Variants in GREB1L observed in about 807,000 individuals in gnomAD.
The protein encoded by GREB1L is GREB1-like protein.
A neutral mutation model predicts 200.8 loss-of-function variants in GREB1L; 17 were observed. That is an observed-to-expected ratio of 0.08 (90% CI 0.06 to 0.13). GREB1L has a LOEUF of 0.13. Ranked by LOEUF, GREB1L falls within the 10% of genes least tolerant of loss-of-function variation. The probability of loss-of-function intolerance (pLI) is 1.00; values close to 1 mark genes in which losing one functional copy is unlikely to be tolerated. For missense variants in GREB1L, 1,657 were observed against 2,367.7 expected (o/e 0.70, Z 6.23); for synonymous variants, 789 against 893.0 (o/e 0.88, Z 2.08).
intron 15 of GREB1L, among the ~76,000 whole-genome samples, chr18:21,456,717 A>T (rs756302262): frequency 6.6e-6 from 1 of 152,162 alleles, no homozygotes; most frequent in Non-Finnish European, 1.5e-5. Context: ...CCTGTAGGTG[A>T]TGAGCTGGAA....
intron 2 of GREB1L, chr18:21,380,460 T>C (rs1378863281): frequency 6.6e-6 from 1 of 152,100 alleles, no homozygotes; most frequent in African/African-American, 2.4e-5. Flanking sequence ...AATTTTAAAT[T>C]CGATCCCTCT....
intron 25 of GREB1L, 80 bp downstream of exon 25, chr18:21,506,029 A>G: frequency 7.3e-7 from 1 of 1,374,254 alleles, no homozygotes; most frequent in Non-Finnish European, 9.7e-7. Flanking sequence ...AGGGATGAAA[A>G]ATAAGGCCCC....
At chr18:21,520,397 A>G (rs2037569645) in intron 31 of GREB1L, among the ~76,000 whole-genome samples, 1 of 152,236 alleles carries the variant, frequency 6.6e-6, no homozygotes, top group Non-Finnish European at 1.5e-5. Context: ...TAAATTTGAT[A>G]AAGACTCTTA....
In GREB1L at chr18:21,362,120, A is replaced by T. The variant is rs932895598; in HGVS notation, c.-119-3907A>T. On this transcript the variant is annotated intron_variant, in intron 1 of 32. Coordinates refer to ENST00000424526, the MANE Select transcript of GREB1L (RefSeq NM_001142966.3). ...ATACTCATTTTATTATTTTGTATGT[A>T]TTCTACTTTGCCAGCCTTAAAAAAA... 3.3e-5 allele frequency among the ~76,000 whole-genome samples: 5 copies of T among 152,016 alleles called. No homozygotes were observed. The East Asian group carries it at 7.7e-4, about 23-fold the overall frequency.
chr18:21,410,888 T>A lies in GREB1L; in HGVS notation c.832+6894T>A, dbSNP rs183933567. The stretch of plus-strand genomic sequence containing the variant: ...GGAGGATCACTTGAGCCCAGGAGGT[T>A]GAGGCTGCAGTGAGCTAGGATCTTG... On this transcript the variant is annotated intron_variant, in intron 7 of 32. Coordinates refer to ENST00000424526, the MANE Select transcript of GREB1L (RefSeq NM_001142966.3). Among the ~76,000 whole-genome samples the A allele has an allele frequency of 1.3e-3, 194 of 151,018 alleles. 3 individuals carry two copies. Among genetic ancestry groups the A allele is most frequent in the African/African-American group, 4.5e-3 (186 of 41,158 alleles).
At chr18:21,427,228 A>C (rs1312952534) in intron 7 of GREB1L, among the ~76,000 whole-genome samples, 1 of 151,930 alleles carries the variant, frequency 6.6e-6, no homozygotes, top group Non-Finnish European at 1.5e-5. Context: ...TTGTGGCCAG[A>C]TGTGGTGGCT....
chr18:21,522,484 CA>C (rs1245204503), intron 32 of GREB1L, among the ~76,000 whole-genome samples, 173 bp from the exon 33 acceptor site: 1 of 151,734 alleles, frequency 6.6e-6, no homozygotes, highest in African/African-American at 2.4e-5. Flanking sequence ...AAAAAAGAAA[CA>C]AAAAAAATTA....
intron 7 of GREB1L, among the ~76,000 whole-genome samples, chr18:21,436,987 A>C (rs544523357): frequency 6.6e-6 from 1 of 152,332 alleles, no homozygotes; most frequent in African/African-American, 2.4e-5. Flanking sequence ...CTGGGATTAC[A>C]GGCATGACCC....
intron 1 of GREB1L, among the ~76,000 whole-genome samples, chr18:21,341,042 C>T (rs559566445): frequency 1.8e-4 from 27 of 152,150 alleles, no homozygotes; most frequent in Non-Finnish European, 3.5e-4. Flanking sequence ...GATAACTAGC[C>T]TCAAGCTACA....
At chr18:21,407,998 C>G (rs1471750815) in intron 7 of GREB1L, among the ~76,000 whole-genome samples, 2 of 152,048 alleles carry the variant, frequency 1.3e-5, no homozygotes, top group African/African-American at 4.8e-5. Flanking sequence ...GAGAGGTTGG[C>G]TAATGTGTAC....
chr18:21,249,426 C>T (rs2037662666), intron 1 of GREB1L, among the ~76,000 whole-genome samples: 1 of 152,214 alleles, frequency 6.6e-6, no homozygotes, highest in Non-Finnish European at 1.5e-5. Flanking sequence ...TATTAACAAA[C>T]TGTCTGCTTA....
chr18:21,293,898 G>C (rs1196847051), intron 1 of GREB1L, among the ~76,000 whole-genome samples: 1 of 152,144 alleles, frequency 6.6e-6, no homozygotes, highest in Non-Finnish European at 1.5e-5. Flanking sequence ...TCATACCTCA[G>C]CCTCCCGAGC....
In GREB1L at chr18:21,383,556, G is replaced by A. The variant is rs747256801; in HGVS notation, c.38G>A (p.Arg13Gln). 5 of 1,546,742 alleles carry A rather than the reference G, an allele frequency of 3.2e-6. No homozygotes were observed. Among genetic ancestry groups the A allele is most frequent in the South Asian group, 2.4e-5 (2 of 82,594 alleles). Reference protein sequence around the residue: ...NSYAGQLKSARFEEALHNSIE... With the variant: ...NSYAGQLKSAQFEEALHNSIE... ...TATGCTGGGCAACTGAAATCTGCTCGATTTGAGGAAGCTCTCCACAACTCC... is the reference window on the plus strand; with the variant it reads ...TATGCTGGGCAACTGAAATCTGCTCAATTTGAGGAAGCTCTCCACAACTCC... Residue 13 changes from arginine to glutamine, a missense_variant, in exon 3 of 33, where the codon CGA (arginine) becomes CAA (glutamine). This residue lies in a region of GREB1L where 121 missense variants were observed against 126.6 expected (regional missense o/e 0.96). Transcript: ENST00000424526.
At chr18:21,440,223 T>TG (rs771975099) in intron 8 of GREB1L, 46 bp from the exon 9 acceptor site, 1 of 1,546,038 alleles carries the variant, frequency 6.5e-7, no homozygotes, top group South Asian at 1.2e-5. Context: ...TCCACATGGC[T>TG]GAGAACAAGA....
intron 10 of GREB1L, among the ~76,000 whole-genome samples, chr18:21,442,011 C>T (rs2033928602): frequency 6.6e-6 from 1 of 152,102 alleles, no homozygotes; most frequent in Non-Finnish European, 1.5e-5. Flanking sequence ...TCAAAGGGAG[C>T]CAAACCACAA....
At position 21,348,804 on chromosome 18, in the gene GREB1L, C is replaced by A. The variant is rs117701238; in HGVS notation, c.-119-17223C>A. The stretch of plus-strand genomic sequence containing the variant: ...AAAAAAAAAATTAAAAATCAGCCAG[C>A]CATGGTGGCATGCACCTGTAGTCCC... On this transcript the variant is annotated intron_variant, in intron 1 of 32. Transcript: ENST00000424526. Among the ~76,000 whole-genome samples the A allele has an allele frequency of 2.2e-3, 340 of 152,082 alleles. 5 individuals are homozygous for A. In the East Asian group the frequency reaches 0.023, roughly 10 times the overall value.
intron 7 of GREB1L, among the ~76,000 whole-genome samples, chr18:21,428,238 A>ATCT (rs1467968963): frequency 7.2e-6 from 1 of 139,630 alleles, no homozygotes; most frequent in Admixed American, 7.2e-5. Context: ...GAGTGGACAT[A>ATCT]TCTTCGTCCA....
At chr18:21,265,358 T>A (rs753847526) in intron 1 of GREB1L, among the ~76,000 whole-genome samples, 2 of 152,202 alleles carry the variant, frequency 1.3e-5, no homozygotes, top group Non-Finnish European at 1.5e-5. Context: ...CTATACTGTC[T>A]TTAAGATCTT....
chr18:21,377,860 G>A (rs1992542), intron 2 of GREB1L, among the ~76,000 whole-genome samples: 30,054 of 151,404 alleles, frequency 0.2, 7,097 homozygotes, highest in African/African-American at 0.57. Flanking sequence ...CAGTGAGCCG[G>A]GGTAGCGCTA....
Sources: allele counts gnomAD v4.1 joint callset (sites outside exome capture counted in the v4.1 genomes callset), GRCh38; gene constraint gnomAD v4.1.1; regional missense constraint gnomAD v4.1.1; transcripts MANE v1.5; gene names NCBI Gene and HGNC (gene_info 2026-07-23, HGNC 2026-07-21).